Variants in GIGYF2 observed in about 807,000 individuals in gnomAD.
GIGYF2 encodes GRB10 interacting GYF protein 2.
A neutral mutation model predicts 208.1 loss-of-function variants in GIGYF2; 25 were observed. The observed-to-expected ratio is 0.12, with a 90% CI of 0.09 to 0.17. The LOEUF is 0.17. GIGYF2 is among the 10% of genes least tolerant of loss of function. The pLI, the probability that GIGYF2 is intolerant of heterozygous loss-of-function variation, is 1.00. For synonymous variants in GIGYF2, 534 were observed against 543.8 expected, an observed-to-expected ratio of 0.98 and a Z score of 0.25; for missense variants, 1,302 against 1,579.4, an observed-to-expected ratio of 0.82 and a Z score of 2.98.
At chr2:232,768,174 T>A in intron 8 of GIGYF2, 1 of 1,613,438 alleles carries the variant, frequency 6.2e-7, no homozygotes, top group Non-Finnish European at 8.5e-7. Context: ...TTTAATACAT[T>A]AAAAAATGGA....
chr2:232,779,874 A>AG (rs1383265280), intron 8 of GIGYF2, among the ~76,000 whole-genome samples: 1 of 152,186 alleles, frequency 6.6e-6, no homozygotes, highest in Non-Finnish European at 1.5e-5. Flanking sequence ...AAGTAATTGT[A>AG]GGGGAGAGGG....
intron 6 of GIGYF2, 29 bp downstream of exon 6, chr2:232,756,363 TGGAGGA>T (rs545527994): frequency 1.0e-5 from 12 of 1,158,662 alleles, no homozygotes; most frequent in Admixed American, 4.5e-5. Flanking sequence ...AAAGTAATAA[TGGAGGA>T]GGAGGAGGAG....
At chr2:232,726,284 G>T (rs1697197342) in intron 2 of GIGYF2, among the ~76,000 whole-genome samples, 1 of 150,360 alleles carries the variant, frequency 6.7e-6, no homozygotes, top group African/African-American at 2.5e-5. Context: ...CAGAAGACTC[G>T]CTTGAACCTG....
intron 2 of GIGYF2, among the ~76,000 whole-genome samples, chr2:232,716,978 G>GTTTTTT (rs1324089709): frequency 6.7e-6 from 1 of 149,092 alleles, no homozygotes; most frequent in African/African-American, 2.5e-5. Context: ...GCTAATTTTT[G>GTTTTTT]TTGTTTTTTT....
rs370961123 is a variant in GIGYF2 at position 232,711,081 on chromosome 2, A to G, written c.-44+7592A>G. Among the ~76,000 whole-genome samples the G allele has an allele frequency of 1.6e-4, 24 of 148,712 alleles. 1 individual carries two copies. The highest frequency in any genetic ancestry group is 5.9e-4 in the African/African-American group (24 of 40,464). Reference sequence around the variant, plus strand: ...GGGTATGTATGTATGTTTTAAGTTTATTTATGTGTTTTTTATTTGTTAATT... The same window carrying G: ...GGGTATGTATGTATGTTTTAAGTTTGTTTATGTGTTTTTTATTTGTTAATT... On this transcript the variant is annotated intron_variant, in intron 2 of 28. Coordinates refer to ENST00000373563, the MANE Select transcript of GIGYF2 (RefSeq NM_001103146.3).
At chr2:232,702,054 A>G (rs1695871934) in intron 1 of GIGYF2, among the ~76,000 whole-genome samples, 2 of 152,034 alleles carry the variant, frequency 1.3e-5, no homozygotes, top group African/African-American at 4.8e-5. Context: ...AGTCACAGCT[A>G]CTCAGGAGGC....
intron 22 of GIGYF2, among the ~76,000 whole-genome samples, chr2:232,833,648 A>G (rs1207428362): frequency 1.3e-5 from 2 of 152,224 alleles, no homozygotes; most frequent in African/African-American, 4.8e-5. Flanking sequence ...TGGCTCAGTA[A>G]ACACTGGAGT....
chr2:232,827,293 G>A (rs1029537310), intron 21 of GIGYF2, among the ~76,000 whole-genome samples: 1 of 152,114 alleles, frequency 6.6e-6, no homozygotes, highest in African/African-American at 2.4e-5. Flanking sequence ...CAAAAGTTTT[G>A]TACGACTTGC....
At chr2:232,713,939 ATTTTTTTTTTTTCTCTTTT>A (rs1023818204) in intron 2 of GIGYF2, among the ~76,000 whole-genome samples, 1 of 135,822 alleles carries the variant, frequency 7.4e-6, no homozygotes, top group Non-Finnish European at 1.6e-5. Context: ...TGAGGAACTG[ATTTTTTTTTTTTCTCTTTT>A]TTTTTTTTTG....
At chr2:232,826,324 G>GT (rs1249848079) in intron 21 of GIGYF2, among the ~76,000 whole-genome samples, 1 of 152,176 alleles carries the variant, frequency 6.6e-6, no homozygotes, top group Non-Finnish European at 1.5e-5. Context: ...CACCAACAGT[G>GT]TAAAAGCATT....
rs1209437919 is a variant in GIGYF2, at chr2:232,747,512, T to A, written c.42-103T>A. On this transcript the variant is annotated intron_variant, in intron 3 of 28. Coordinates refer to ENST00000373563, the MANE Select transcript of GIGYF2 (RefSeq NM_001103146.3). ...TACTTTGAGATAGTAGGATTTCTTT[T>A]TGCTCTTCTAAAGAACTAAAATGAA... The A allele has an allele frequency of 5.7e-6, 7 of 1,237,372 alleles. No individual in the cohort carries two copies. In the Admixed American group the frequency reaches 1.2e-4, roughly 22 times the overall value. 76.6% of individuals were successfully genotyped at this position (1,237,372 alleles called of 1,614,324 possible). A position where few individuals can be genotyped will look rare whatever the true frequency, so the allele number is the denominator to read the frequency against.
At chr2:232,714,108 C>T (rs1696561362) in intron 2 of GIGYF2, among the ~76,000 whole-genome samples, 1 of 152,136 alleles carries the variant, frequency 6.6e-6, no homozygotes, top group Non-Finnish European at 1.5e-5. Context: ...CACCACCATG[C>T]ATGGCTAATT....
At chr2:232,759,453 G>A (rs950512941) in intron 6 of GIGYF2, among the ~76,000 whole-genome samples, 1 of 152,072 alleles carries the variant, frequency 6.6e-6, no homozygotes, top group Admixed American at 6.6e-5. Flanking sequence ...AGTGCATACG[G>A]TCTTCTGCCT....
chr2:232,852,379 C>G (rs1690383146), intron 28 of GIGYF2, among the ~76,000 whole-genome samples: 1 of 152,050 alleles, frequency 6.6e-6, no homozygotes, highest in Non-Finnish European at 1.5e-5. Context: ...AACCTCGTCT[C>G]TAGTAAAAAT....
chr2:232,772,065 A>G (rs1329123065), intron 8 of GIGYF2, among the ~76,000 whole-genome samples: 4 of 152,148 alleles, frequency 2.6e-5, no homozygotes, highest in African/African-American at 9.7e-5. Context: ...GCTCACTGCA[A>G]CCTCAGCAAA....
chr2:232,801,365 C>A (rs1700394432), intron 14 of GIGYF2, among the ~76,000 whole-genome samples: 1 of 152,022 alleles, frequency 6.6e-6, no homozygotes. Context: ...CCTGTCTCTA[C>A]AAATAATAAA....
Position 232,794,896 on chromosome 2 carries a change from T to C in GIGYF2, c.1431T>C (p.Ser477=). 6.2e-7 allele frequency: 1 copy of C among 1,614,048 alleles called. No homozygotes were observed. The highest frequency in any genetic ancestry group is 8.5e-7 in the Non-Finnish European group (1 of 1,179,912). The change falls in exon 13 of 29, where the codon AGT becomes AGC. Residue 477 remains serine, a synonymous_variant. Transcript: ENST00000373563. ...TPVVGAPGMG[S]VSTEPDDEEG... The stretch of plus-strand genomic sequence containing the variant: ...TTGTAGGTGCTCCTGGTATGGGCAG[T>C]GTTTCCACAGAACCTGATGATGAAG...
At chr2:232,746,540 C>T (rs1290234088) in intron 3 of GIGYF2, among the ~76,000 whole-genome samples, 2 of 152,168 alleles carry the variant, frequency 1.3e-5, no homozygotes, top group African/African-American at 2.4e-5. Context: ...CACAGTGCTA[C>T]AGTAGAATCT....
At chr2:232,767,279 AT>A (rs1193615053) in intron 8 of GIGYF2, 3 of 152,152 alleles carry the variant, frequency 2.0e-5, no homozygotes, top group Non-Finnish European at 4.4e-5. Flanking sequence ...CTCAAGTTAT[AT>A]CTAAGTAAAG....
Sources: allele counts gnomAD v4.1 joint callset (sites outside exome capture counted in the v4.1 genomes callset), GRCh38; gene constraint gnomAD v4.1.1; transcripts MANE v1.5; gene names NCBI Gene and HGNC (gene_info 2026-07-23, HGNC 2026-07-21).